ACTR1B: variants seen among roughly 807,000 people sequenced by gnomAD.
ACTR1B encodes beta-centractin.
Under a neutral mutation model 49.4 loss-of-function variants are expected in ACTR1B, and 34 were observed. The ratio of observed to expected loss-of-function variants is 0.69; its 90% CI spans 0.52 to 0.92. The LOEUF is 0.92. Among genes scored for constraint, ACTR1B ranks in the 40% least tolerant of loss-of-function variants. The pLI, the probability that ACTR1B is intolerant of heterozygous loss-of-function variation, is 0.00. For synonymous variants in ACTR1B, 207 were observed against 207.8 expected, an observed-to-expected ratio of 1.00 and a Z score of 0.03; for missense variants, 471 against 522.4, an observed-to-expected ratio of 0.90 and a Z score of 0.96.
At position 97,658,382 on chromosome 2, in the gene ACTR1B, T is replaced by C. The variant is rs1317850127; in HGVS notation, c.657+45A>G. On this transcript the variant is annotated intron_variant, in intron 6 of 10. Coordinates refer to ENST00000289228, the MANE Select transcript of ACTR1B (RefSeq NM_005735.4). The surrounding 1 kb of genome is among the most constrained non-coding windows in gnomAD (Gnocchi z 5.9). Reference sequence around the variant, plus strand: ...GGACACCTGTGCCTTGGTGCCACCCTTTCCTCACCCCAGGTCGTGTCCACA... The same window carrying C: ...GGACACCTGTGCCTTGGTGCCACCCCTTCCTCACCCCAGGTCGTGTCCACA... 1 of 1,613,494 alleles carries C rather than the reference T, an allele frequency of 6.2e-7. No homozygotes were observed. Among genetic ancestry groups the C allele is most frequent in the Non-Finnish European group, 8.5e-7 (1 of 1,179,610 alleles).
Position 97,656,966 on chromosome 2 carries a change from G to T in ACTR1B, c.1029-6C>A, listed in dbSNP as rs1458357481. 1 of 1,589,180 alleles carries T rather than the reference G, an allele frequency of 6.3e-7. No homozygotes were observed. The highest frequency in any genetic ancestry group is 8.6e-7 in the Non-Finnish European group (1 of 1,167,074). ...GCGAGGCCAGGATGGAGCCGCTGTG[G>T]GGATGGAGGGATAGTATTGCTGTGG... On this transcript the variant is annotated splice_region_variant and splice_polypyrimidine_tract_variant and intron_variant, in intron 10 of 10. Coordinates refer to ENST00000289228, the MANE Select transcript of ACTR1B (RefSeq NM_005735.4).
chr2:97,657,497 C>T lies in ACTR1B; in HGVS notation c.938G>A (p.Arg313Gln), dbSNP rs750735613. Residue 313 changes from arginine (R) to glutamine (Q), a missense_variant, in exon 9 of 11, where the codon CGA (arginine) becomes CAA (glutamine). Transcript: ENST00000289228. ...GSTLFKGFGDRLLSEVKKLAP... is the reference protein window; with the variant it reads ...GSTLFKGFGDQLLSEVKKLAP... ...AAGCTTCTTCACTTCACTGAGTAATCGGTCTCCGAAGCCTGTGAACACAAA... is the reference window on the plus strand; with the variant it reads ...AAGCTTCTTCACTTCACTGAGTAATTGGTCTCCGAAGCCTGTGAACACAAA... 1.9e-6 allele frequency: 3 copies of T among 1,614,214 alleles called. No individual in the cohort carries two copies. Among genetic ancestry groups the T allele is most frequent in the Non-Finnish European group, 1.7e-6 (2 of 1,180,032 alleles).
chr2:97,659,125 G>T lies in ACTR1B; in HGVS notation c.316-122C>A. On this transcript the variant is annotated intron_variant, in intron 4 of 10. Coordinates refer to ENST00000289228, the MANE Select transcript of ACTR1B (RefSeq NM_005735.4). The surrounding 1 kb of genome is among the most constrained non-coding windows in gnomAD (Gnocchi z 4.0). ...GCTCAGCCTCCTACCCCTCCTGAGGGCCCCATCCCTTTATCTGCTGGCAGT... is the reference window on the plus strand; with the variant it reads ...GCTCAGCCTCCTACCCCTCCTGAGGTCCCCATCCCTTTATCTGCTGGCAGT... The T allele has an allele frequency of 6.6e-7, 1 of 1,506,688 alleles. No individual in the cohort carries two copies. The highest frequency in any genetic ancestry group is 9.1e-7 in the Non-Finnish European group (1 of 1,104,388). 93.3% of individuals were successfully genotyped at this position (1,506,688 alleles called of 1,614,324 possible). A position where few individuals can be genotyped will look rare whatever the true frequency, so the allele number is the denominator to read the frequency against.
chr2:97,659,109 C>T lies in ACTR1B; in HGVS notation c.316-106G>A, dbSNP rs1461030479. ...CGCTGGCGCACAGGCAGCTCAGCCT[C>T]CTACCCCTCCTGAGGGCCCCATCCC... is the stretch of plus-strand genomic sequence containing the variant. On this transcript the variant is annotated intron_variant, in intron 4 of 10. Coordinates refer to ENST00000289228, the MANE Select transcript of ACTR1B (RefSeq NM_005735.4). This position sits in a 1 kb window ranked among gnomAD's most constrained non-coding sequence, Gnocchi z 4.0. The T allele has an allele frequency of 1.9e-6, 3 of 1,549,876 alleles. No individual in the cohort carries two copies. The East Asian group carries it at 6.8e-5, about 35-fold the overall frequency.
chr2:97,661,785 G>GGGCA (rs1559290588), intron 2 of ACTR1B, 97 bp downstream of exon 2: 6 of 1,268,930 alleles, frequency 4.7e-6, no homozygotes, highest in Non-Finnish European at 5.6e-6. Context: ...ATACAGGTCA[G>GGGCA]GGCACAAATT....
chr2:97,661,057 TCTCA>T (rs1452396897), intron 2 of ACTR1B, among the ~76,000 whole-genome samples: 4 of 152,172 alleles, frequency 2.6e-5, no homozygotes, highest in Non-Finnish European at 5.9e-5. Flanking sequence ...TGCACCCTGC[TCTCA>T]CTCAGTCAAG....
At chr2:97,660,429 G>T in intron 3 of ACTR1B, 142 bp downstream of exon 3, 1 of 753,068 alleles carries the variant, frequency 1.3e-6, no homozygotes. Context: ...CCATCTCAGG[G>T]GGAGGTGCCC....
chr2:97,659,045 T>G lies in ACTR1B; in HGVS notation c.316-42A>C, dbSNP rs1316279137. ...AGTTGTAGGCATCAGAGGAGGCAAC[T>G]TGCAAGGCCCTAAAAGGCTCTTTCC... On this transcript the variant is annotated intron_variant, in intron 4 of 10. Transcript: ENST00000289228. This position sits in a 1 kb window ranked among gnomAD's most constrained non-coding sequence, Gnocchi z 4.0. 2 of 1,612,838 alleles carry G rather than the reference T, an allele frequency of 1.2e-6. No individual in the cohort carries two copies. Among genetic ancestry groups the G allele is most frequent in the African/African-American group, 2.7e-5 (2 of 74,922 alleles).
chr2:97,657,602 T>G, intron 8 of ACTR1B, 93 bp from the exon 9 acceptor site: 1 of 1,284,436 alleles, frequency 7.8e-7, no homozygotes, highest in African/African-American at 1.5e-5. Context: ...CAGCTACTGC[T>G]GGTCCTCTAT....
At position 97,658,230 on chromosome 2, in the gene ACTR1B, C is replaced by T. The variant is rs373737375; in HGVS notation, c.744G>A (p.Thr248=). 5.0e-5 allele frequency: 80 copies of T among 1,614,002 alleles called. No individual in the cohort carries two copies. Among genetic ancestry groups the T allele is most frequent in the African/African-American group, 4.5e-4 (34 of 74,946 alleles). ...GCCAGGCCCGGCCACTTACATCAAGCGTGCTGCCGTCTGGCAACGTGTACT... is the reference window on the plus strand; with the variant it reads ...GCCAGGCCCGGCCACTTACATCAAGTGTGCTGCCGTCTGGCAACGTGTACT... ...KVQYTLPDGS[T]LDVGPARFRA... Residue 248 remains threonine (T), a synonymous_variant, in exon 7 of 11, where the codon ACG becomes ACA. Coordinates refer to ENST00000289228, the MANE Select transcript of ACTR1B (RefSeq NM_005735.4). The surrounding 1 kb of genome is among the most constrained non-coding windows in gnomAD (Gnocchi z 5.9).
chr2:97,656,837 A>G lies in ACTR1B; in HGVS notation c.*21T>C. 1 of 1,554,376 alleles carries G rather than the reference A, an allele frequency of 6.4e-7. No individual in the cohort carries two copies. Among genetic ancestry groups the G allele is most frequent in the Non-Finnish European group, 8.7e-7 (1 of 1,144,324 alleles). ...CTCCCCTCCCTCCCCCTCTCCCAACATGCCCCGCCCTCCTTGGGCACTAGA... is the reference window on the plus strand; with the variant it reads ...CTCCCCTCCCTCCCCCTCTCCCAACGTGCCCCGCCCTCCTTGGGCACTAGA... On this transcript the variant is annotated 3_prime_UTR_variant, in exon 11 of 11. Coordinates refer to ENST00000289228, the MANE Select transcript of ACTR1B (RefSeq NM_005735.4).
chr2:97,659,146 G>A lies in ACTR1B; in HGVS notation c.316-143C>T. 1 of 1,461,190 alleles carries A rather than the reference G, an allele frequency of 6.8e-7. No individual in the cohort carries two copies. Among genetic ancestry groups the A allele is most frequent in the Non-Finnish European group, 9.3e-7 (1 of 1,069,642 alleles). 90.5% of individuals were successfully genotyped at this position (1,461,190 alleles called of 1,614,324 possible). On this transcript the variant is annotated intron_variant, in intron 4 of 10. Coordinates refer to ENST00000289228, the MANE Select transcript of ACTR1B (RefSeq NM_005735.4). This position sits in a 1 kb window ranked among gnomAD's most constrained non-coding sequence, Gnocchi z 4.0. ...GAGGGCCCCATCCCTTTATCTGCTG[G>A]CAGTTACTCTTCCGGAGATCCGGCT...
chr2:97,659,066 T>C lies in ACTR1B; in HGVS notation c.316-63A>G, dbSNP rs1229350066. 5.6e-6 allele frequency: 9 copies of C among 1,608,180 alleles called. No individual in the cohort carries two copies. The Admixed American group carries it at 1.3e-4, about 24-fold the overall frequency. On this transcript the variant is annotated intron_variant, in intron 4 of 10. Transcript: ENST00000289228. The surrounding 1 kb of genome is among the most constrained non-coding windows in gnomAD (Gnocchi z 4.0). ...CAACTTGCAAGGCCCTAAAAGGCTCTTTCCAGAGAACCACACCCGCTGGCG... is the reference window on the plus strand; with the variant it reads ...CAACTTGCAAGGCCCTAAAAGGCTCCTTCCAGAGAACCACACCCGCTGGCG...
Position 97,656,701 on chromosome 2 carries a change from G to A in ACTR1B, c.*157C>T. The A allele has an allele frequency of 1.6e-6, 1 of 640,288 alleles. No homozygotes were observed. Among genetic ancestry groups the A allele is most frequent in the Non-Finnish European group, 2.8e-6 (1 of 358,112 alleles). The allele number at this position is 640,288 out of a possible 1,614,324, so 39.7% of individuals were successfully genotyped here. ...CTTGTGTGTGCATGTCCTGTGTAGA[G>A]GGGAAGGCTGCAGGGGGGCACTGCT... On this transcript the variant is annotated 3_prime_UTR_variant, in exon 11 of 11. Transcript: ENST00000289228.
Position 97,656,828 on chromosome 2 carries a change from T to A in ACTR1B, c.*30A>T. 2.6e-6 allele frequency: 4 copies of A among 1,526,068 alleles called. No individual in the cohort carries two copies. The highest frequency in any genetic ancestry group is 3.6e-6 in the Non-Finnish European group (4 of 1,121,370). The allele number at this position is 1,526,068 out of a possible 1,614,324, so 94.5% of individuals were successfully genotyped here. A position where few individuals can be genotyped will look rare whatever the true frequency, so the allele number is the denominator to read the frequency against. On this transcript the variant is annotated 3_prime_UTR_variant, in exon 11 of 11. Transcript: ENST00000289228. ...AGGCTCTGTCTCCCCTCCCTCCCCC[T>A]CTCCCAACATGCCCCGCCCTCCTTG...
In ACTR1B at chr2:97,659,327, C is replaced by A; in HGVS notation, c.315+25G>T. The A allele has an allele frequency of 1.9e-6, 3 of 1,613,516 alleles. No homozygotes were observed. Among genetic ancestry groups the A allele is most frequent in the Non-Finnish European group, 2.5e-6 (3 of 1,179,920 alleles). Reference sequence around the variant, plus strand: ...GGGGCATGGCCAGGAGAATGCAGAGCATGCAGGAGGGGCAGCCGCCACACC... The same window carrying A: ...GGGGCATGGCCAGGAGAATGCAGAGAATGCAGGAGGGGCAGCCGCCACACC... On this transcript the variant is annotated intron_variant, in intron 4 of 10. Transcript: ENST00000289228. This position sits in a 1 kb window ranked among gnomAD's most constrained non-coding sequence, Gnocchi z 4.0.
intron 1 of ACTR1B, among the ~76,000 whole-genome samples, chr2:97,663,341 C>T (rs1675077476): frequency 6.6e-6 from 1 of 152,246 alleles, no homozygotes; most frequent in South Asian, 2.1e-4. Context: ...AGCCAAAAGG[C>T]AAACCAGATG....
chr2:97,663,819 CT>C, intron 1 of ACTR1B, 23 bp downstream of exon 1: 2 of 1,375,470 alleles, frequency 1.5e-6, no homozygotes, highest in South Asian at 1.5e-5. Context: ...GGCGCCCGCC[CT>C]CCCCCTGGCT....
At position 97,659,427 on chromosome 2, in the gene ACTR1B, C is replaced by A; in HGVS notation, c.240G>T (p.Val80=). 4 of 1,614,054 alleles carry A rather than the reference C, an allele frequency of 2.5e-6. No homozygotes were observed. Among genetic ancestry groups the A allele is most frequent in the Non-Finnish European group, 3.4e-6 (4 of 1,179,998 alleles). ...TGCGTTCCATGTCGTTCCAGTCTCG[C>A]ACCACGCCGTGCTCCATGGGGTAGC... is the stretch of plus-strand genomic sequence containing the variant. The part of the protein sequence containing the change: ...TIRYPMEHGV[V]RDWNDMERIW... Residue 80 remains valine, a synonymous_variant, in exon 4 of 11, where the codon GTG becomes GTT. Coordinates refer to ENST00000289228, the MANE Select transcript of ACTR1B (RefSeq NM_005735.4). The surrounding 1 kb of genome is among the most constrained non-coding windows in gnomAD (Gnocchi z 4.0).
Sources: gnomAD v4.1 joint callset for allele counts (sites outside exome capture counted in the v4.1 genomes callset) on GRCh38, gnomAD v4.1.1 for gene constraint, Gnocchi (gnomAD v3.1) non-coding constraint, MANE v1.5 for transcripts, NCBI Gene and HGNC (gene_info 2026-07-23, HGNC 2026-07-21) for gene names.